NBPF4: variants seen among roughly 807,000 people sequenced by gnomAD.
The protein encoded by NBPF4 is NBPF family member NBPF4.
NBPF4 carries 11 observed loss-of-function variants against 21.1 expected under a neutral mutation model. The observed-to-expected ratio is 0.52, with a 90% CI of 0.33 to 0.86. NBPF4 has a LOEUF of 0.86. Ranked by LOEUF, NBPF4 falls within the 40% of genes least tolerant of loss-of-function variation. The pLI is 0.03. For synonymous variants in NBPF4, 47 were observed against 106.4 expected (o/e 0.44, Z 3.43); for missense variants, 88 against 265.3 (o/e 0.33, Z 4.64).
chr1:108,245,058 C>T (rs1484194021), upstream of NBPF4, among the ~76,000 whole-genome samples: 46 of 78,386 alleles, frequency 5.9e-4, no homozygotes, highest in African/African-American at 2.0e-3. Context: ...CCTCAGTGTT[C>T]CTGTGCAGTA....
In NBPF4 at chr1:108,223,064, G is replaced by A. The variant is rs1649357945; in HGVS notation, c.*641C>T. ...CTTCAGAATGTAGACCATTGAGCCA[G>A]ACAGCTGACCTGTCCTCCACAAACA... On this transcript the variant is annotated 3_prime_UTR_variant, in exon 15 of 15. Transcript: ENST00000415641. 6.6e-6 allele frequency among the ~76,000 whole-genome samples: 1 copy of A among 152,194 alleles called. No homozygotes were observed. Among genetic ancestry groups the A allele is most frequent in the Non-Finnish European group, 1.5e-5 (1 of 68,034 alleles).
chr1:108,246,040 A>G (rs1323814659), upstream of NBPF4, among the ~76,000 whole-genome samples: 1 of 115,946 alleles, frequency 8.6e-6, no homozygotes, highest in African/African-American at 3.3e-5. Context: ...TTGAGTACCA[A>G]TGATTCTCAT....
the NBPF4 span, among the ~76,000 whole-genome samples, chr1:108,259,706 T>C: frequency 6.7e-6 from 1 of 149,918 alleles, no homozygotes; most frequent in East Asian, 1.9e-4. Flanking sequence ...GACCTCATCT[T>C]CTTTTTTAAA....
At chr1:108,265,913 G>A in the NBPF4 span, among the ~76,000 whole-genome samples, 1 of 66,038 alleles carries the variant, frequency 1.5e-5, no homozygotes, top group East Asian at 5.6e-4. Context: ...AGGGGGGAGG[G>A]ATAGTTTTAG....
chr1:108,248,117 A>G (rs1488970284), upstream of NBPF4, among the ~76,000 whole-genome samples: 2 of 151,890 alleles, frequency 1.3e-5, no homozygotes, highest in Non-Finnish European at 2.9e-5. Flanking sequence ...TTTGTTTTTA[A>G]AAACTTTAAA....
At chr1:108,256,211 C>A in the NBPF4 span, among the ~76,000 whole-genome samples, 2 of 147,730 alleles carry the variant, frequency 1.4e-5, no homozygotes, top group Admixed American at 1.4e-4. Flanking sequence ...ACCTCCACTT[C>A]ATTTCTGATG....
chr1:108,224,516 A>G (rs531591720), intron 14 of NBPF4, among the ~76,000 whole-genome samples: 1 of 147,282 alleles, frequency 6.8e-6, no homozygotes, highest in Non-Finnish European at 1.5e-5. Context: ...AAAATAAAAA[A>G]TATATATAAT....
At chr1:108,225,044 A>G (rs1649429605) in intron 14 of NBPF4, among the ~76,000 whole-genome samples, 2 of 122,014 alleles carry the variant, frequency 1.6e-5, no homozygotes, top group Non-Finnish European at 3.5e-5. Flanking sequence ...GGAAATGTAA[A>G]CTGGAAGTTT....
At chr1:108,224,801 T>C (rs1649420017) in intron 14 of NBPF4, among the ~76,000 whole-genome samples, 1 of 147,934 alleles carries the variant, frequency 6.8e-6, no homozygotes, top group Non-Finnish European at 1.5e-5. Context: ...CCCAAGTACA[T>C]TATGAGAAAG....
At chr1:108,268,723 T>G in the NBPF4 span, among the ~76,000 whole-genome samples, 1 of 148,618 alleles carries the variant, frequency 6.7e-6, no homozygotes, top group South Asian at 2.2e-4. Context: ...AGAAAAATAC[T>G]AGCTATTGTA....
upstream of NBPF4, among the ~76,000 whole-genome samples, chr1:108,248,089 A>G (rs988244224): frequency 4.6e-5 from 7 of 151,964 alleles, no homozygotes; most frequent in African/African-American, 9.7e-5. Context: ...CATTTCCCCA[A>G]TGAGAGGCAC....
the NBPF4 span, among the ~76,000 whole-genome samples, chr1:108,265,888 T>A: frequency 2.1e-5 from 1 of 47,026 alleles, no homozygotes. Flanking sequence ...CTGGGGACTG[T>A]TGTGGGGTGG....
chr1:108,254,417 C>T, the NBPF4 span, among the ~76,000 whole-genome samples: 18 of 2,912 alleles, frequency 6.2e-3, no homozygotes, highest in South Asian at 0.017. Context: ...TCCTATCCCC[C>T]TGCACCCCCA....
In NBPF4 at chr1:108,243,886, ATTG is replaced by A; in HGVS notation, c.-36+10_-36+12del. ...GGACTGAGAGATGACAATTACTGGA[ATTG>A]TTAACTTACAGTTGAGAAAAAGTTG... On this transcript the variant is annotated intron_variant, in intron 1 of 14. Transcript: ENST00000415641. 1 of 962,068 alleles carries A rather than the reference ATTG, an allele frequency of 1.0e-6. No homozygotes were observed. The highest frequency in any genetic ancestry group is 1.4e-6 in the Non-Finnish European group (1 of 736,456). 59.6% of individuals were successfully genotyped at this position (962,068 alleles called of 1,614,324 possible).
At chr1:108,252,698 T>C in the NBPF4 span, among the ~76,000 whole-genome samples, 3 of 141,646 alleles carry the variant, frequency 2.1e-5, no homozygotes, top group Non-Finnish European at 4.5e-5. Flanking sequence ...TTTTTTTTTC[T>C]GGATTTGTTG....
the NBPF4 span, among the ~76,000 whole-genome samples, chr1:108,266,479 TTTTCCTGTTTAG>T: frequency 8.6e-6 from 1 of 116,014 alleles, no homozygotes; most frequent in African/African-American, 3.3e-5. Context: ...TTTCTGTTTA[TTTTCCTGTTTAG>T]TTTCCTGGGT....
the NBPF4 span, among the ~76,000 whole-genome samples, chr1:108,258,935 T>C: frequency 2.3e-5 from 1 of 43,164 alleles, no homozygotes; most frequent in Non-Finnish European, 4.0e-5. Context: ...TATTATAAAA[T>C]GAGACCAAAA....
upstream of NBPF4, among the ~76,000 whole-genome samples, chr1:108,244,937 TATATATATATACAC>T (rs1349576865): frequency 2.8e-4 from 10 of 35,972 alleles, 1 homozygote; most frequent in African/African-American, 8.4e-4. Flanking sequence ...TATATATATA[TATATATATATACAC>T]ACACATATAG....
At chr1:108,225,390 C>T (rs575236660) in intron 14 of NBPF4, among the ~76,000 whole-genome samples, 402 of 151,542 alleles carry the variant, frequency 2.7e-3, no homozygotes, top group African/African-American at 9.3e-3. Flanking sequence ...GGGTCCTTCT[C>T]GTCTTTAGCC....
Sources: allele counts gnomAD v4.1 joint callset (sites outside exome capture counted in the v4.1 genomes callset), GRCh38; gene constraint gnomAD v4.1.1; transcripts MANE v1.5; gene names NCBI Gene and HGNC (gene_info 2026-07-23, HGNC 2026-07-21).